Variants in TSC2 observed in about 807,000 individuals in gnomAD.
TSC2 encodes tuberin.
A neutral mutation model predicts 202.2 loss-of-function variants in TSC2; 29 were observed. The ratio of observed to expected loss-of-function variants is 0.14; its 90% CI spans 0.11 to 0.20. The LOEUF (loss-of-function observed/expected upper bound fraction) is 0.20, where lower values mean the gene tolerates loss of function less well. TSC2 is among the 10% of genes least tolerant of loss of function. TSC2 has a pLI of 1.00. For synonymous variants in TSC2, 1,349 were observed against 1,044.0 expected (o/e 1.29, Z -5.63); for missense variants, 2,429 against 2,420.0 (o/e 1.00, Z -0.08).
Position 2,088,749 on chromosome 16 carries a change from G to A in TSC2, c.*139G>A, listed in dbSNP as rs926002084. 17 of 1,256,224 alleles carry A rather than the reference G, an allele frequency of 1.4e-5. No individual in the cohort carries two copies. Among genetic ancestry groups the A allele is most frequent in the Admixed American group, 4.6e-5 (2 of 43,814 alleles). 77.8% of individuals were successfully genotyped at this position (1,256,224 alleles called of 1,614,324 possible). On this transcript the variant is annotated 3_prime_UTR_variant, in exon 42 of 42. Transcript: ENST00000219476. Reference sequence around the variant, plus strand: ...CTTTTATTGACTTTGTCTGCTTGGTGCGGGGGTTGGGGGGGTGTCGAGGCT... The same window carrying A: ...CTTTTATTGACTTTGTCTGCTTGGTACGGGGGTTGGGGGGGTGTCGAGGCT...
rs1555496979 is a variant in TSC2, at chr16:2,053,387, C to T, written c.271C>T (p.Pro91Ser). The change falls in exon 4 of 42, where the codon CCG becomes TCG. Residue 91 changes from proline (P) to serine (S), a missense_variant. Coordinates refer to ENST00000219476, the MANE Select transcript of TSC2 (RefSeq NM_000548.5). The stretch of plus-strand genomic sequence containing the variant: ...GAAGGCGGTCGCGGATCTGTTGCAG[C>T]CGGAGCGGCCGCTGGAGGCCCGGCA... ...LWKAVADLLQ[P>S]ERPLEARHAV... 1 of 1,591,802 alleles carries T rather than the reference C, an allele frequency of 6.3e-7. No homozygotes were observed.
chr16:2,082,972 C>A lies in TSC2; in HGVS notation c.3883+468C>A, dbSNP rs947595399. 5.8e-5 allele frequency: 22 copies of A among 380,764 alleles called. No homozygotes were observed. In the Admixed American group the frequency reaches 6.6e-4, roughly 11 times the overall value. The allele number at this position is 380,764 out of a possible 1,614,324, so 23.6% of individuals were successfully genotyped here. On this transcript the variant is annotated intron_variant, in intron 32 of 41. Transcript: ENST00000219476. ...CCTGCAGACCGACCTCTGCCTGTTG[C>A]CCCCAAGCCCTGGTGGGGAGTGCTG...
chr16:2,086,324 C>T lies in TSC2; in HGVS notation c.4794C>T (p.Asp1598=), dbSNP rs548102930. The T allele has an allele frequency of 1.5e-5, 24 of 1,612,938 alleles. No homozygotes were observed. Among genetic ancestry groups the T allele is most frequent in the Admixed American group, 3.3e-5 (2 of 60,014 alleles). Residue 1598 remains aspartate (D), a synonymous_variant, in exon 37 of 42, where the codon GAC becomes GAT. Coordinates refer to ENST00000219476, the MANE Select transcript of TSC2 (RefSeq NM_000548.5). The stretch of plus-strand genomic sequence containing the variant: ...ACAAGGTGTACCTGGGAGGCCTGGA[C>T]GTGTGTGGTGAGGACGGCCAGTTCA... ...QPDKVYLGGL[D]VCGEDGQFTY...
intron 5 of TSC2, 57 bp from the exon 6 acceptor site, chr16:2,055,345 G>C: frequency 7.4e-7 from 1 of 1,351,634 alleles, no homozygotes; most frequent in East Asian, 2.3e-5. Context: ...GGGAGGGGGA[G>C]GTGAGTGGGA....
rs1221986548 is a variant in TSC2 at position 2,084,692 on chromosome 16, G to C, written c.4470G>C (p.Glu1490Asp). 1 of 1,598,304 alleles carries C rather than the reference G, an allele frequency of 6.3e-7. No individual in the cohort carries two copies. Among genetic ancestry groups the C allele is most frequent in the Non-Finnish European group, 8.5e-7 (1 of 1,179,820 alleles). The stretch of plus-strand genomic sequence containing the variant: ...GCAGAGCCACAGCCTCCAATGCAGA[G>C]AAAGTGCCAGGCATCAACCCCAGGT... Reference protein sequence around the residue: ...LKSRATASNAEKVPGINPSFV... With the variant: ...LKSRATASNADKVPGINPSFV... The change falls in exon 34 of 42, where the codon GAG becomes GAC. Residue 1490 changes from glutamate (E) to aspartate (D), a missense_variant. Physicochemically the swap from Glu to Asp is conservative, Grantham distance 45 (BLOSUM62 2). Transcript: ENST00000219476.
At chr16:2,050,599 T>C (rs1206435749) in intron 3 of TSC2, 113 bp downstream of exon 3, 3 of 151,756 alleles carry the variant, frequency 2.0e-5, no homozygotes, top group East Asian at 1.7e-4. Context: ...TGGTTTGCAC[T>C]TTTTTTTTTT....
chr16:2,063,819 C>T (rs1433994196), intron 14 of TSC2: 2 of 268,650 alleles, frequency 7.4e-6, no homozygotes, highest in South Asian at 4.2e-5. Flanking sequence ...TTACCTGCTT[C>T]TGTGAAAACT....
At position 2,055,948 on chromosome 16, in the gene TSC2, A is replaced by G. The variant is rs1420412041; in HGVS notation, c.600-248A>G. The G allele has an allele frequency of 2.3e-5, 13 of 565,772 alleles. No homozygotes were observed. In the East Asian group the frequency reaches 3.8e-4, roughly 17 times the overall value. The allele number at this position is 565,772 out of a possible 1,614,324, so 35.0% of individuals were successfully genotyped here. ...CTATCTTCTGTTTAGCTCTCATCTG[A>G]TGTCTTGGTTATCTTTTTGTTGTTT... On this transcript the variant is annotated intron_variant, in intron 6 of 41. Transcript: ENST00000219476.
In TSC2 at chr16:2,088,652, C is replaced by A. The variant is rs1567136020; in HGVS notation, c.*42C>A. The A allele has an allele frequency of 1.3e-6, 2 of 1,575,380 alleles. No individual in the cohort carries two copies. The highest frequency in any genetic ancestry group is 1.8e-5 in the Admixed American group (1 of 56,128). ...CCTGCACTGGCCTTGGACGGTATTGCCTGTCAGTGAAATAAATAAAGTCCT... is the reference window on the plus strand; with the variant it reads ...CCTGCACTGGCCTTGGACGGTATTGACTGTCAGTGAAATAAATAAAGTCCT... On this transcript the variant is annotated 3_prime_UTR_variant, in exon 42 of 42. Transcript: ENST00000219476.
chr16:2,074,634 C>A, intron 22 of TSC2: 1 of 574,198 alleles, frequency 1.7e-6, no homozygotes, highest in Non-Finnish European at 3.1e-6. Context: ...CTCTTCCCCC[C>A]CGAGCAGTGG....
chr16:2,081,743 G>A lies in TSC2; in HGVS notation c.3759G>A (p.Leu1253=), dbSNP rs878854095. ...GGGACACAGCCCTGTACAAGTCACT[G>A]TCGGTGCCGGCAGCCAGCACGGCCA... ...EHRDTALYKS[L]SVPAASTAKP... The change falls in exon 31 of 42, where the codon CTG becomes CTA. Residue 1253 remains leucine, a synonymous_variant. Transcript: ENST00000219476. 3.1e-6 allele frequency: 5 copies of A among 1,612,906 alleles called. No individual in the cohort carries two copies. In the South Asian group the frequency reaches 5.5e-5, roughly 18 times the overall value.
intron 16 of TSC2, chr16:2,068,636 A>C (rs1444556293): frequency 6.6e-6 from 1 of 152,174 alleles, no homozygotes; most frequent in Non-Finnish European, 1.5e-5. Flanking sequence ...GCAGTTTGGG[A>C]GGCCGAGGCG....
At position 2,087,952 on chromosome 16, in the gene TSC2, G is replaced by C. The variant is rs199999832; in HGVS notation, c.5068+11G>C. 6.2e-7 allele frequency: 1 copy of C among 1,604,974 alleles called. No individual in the cohort carries two copies. Among genetic ancestry groups the C allele is most frequent in the African/African-American group, 1.3e-5 (1 of 74,686 alleles). ...TGCAGTGCAGGAAAGGTAGGGCCGG[G>C]TGGGGCCCTGCAGTGCAGGAAAGGT... On this transcript the variant is annotated intron_variant, in intron 39 of 41. Transcript: ENST00000219476.
At chr16:2,061,188 T>G in intron 11 of TSC2, 1 of 354,998 alleles carries the variant, frequency 2.8e-6, no homozygotes, top group Non-Finnish European at 5.5e-6. Context: ...TCGAGTCTGT[T>G]AACCACAGCT....
chr16:2,048,205 T>A, intron 1 of TSC2, 140 bp downstream of exon 1: 2 of 1,521,854 alleles, frequency 1.3e-6, no homozygotes, highest in East Asian at 4.9e-5. Context: ...ATCCCTTAGT[T>A]TTAAGTCATG....
At chr16:2,087,489 G>C (rs368022676) in intron 38 of TSC2, among the ~76,000 whole-genome samples, 3 of 94,620 alleles carry the variant, frequency 3.2e-5, no homozygotes, top group South Asian at 2.5e-4. Context: ...ACCAGTTGGG[G>C]GGGGGGGGGC....
At chr16:2,057,201 A>G in intron 9 of TSC2, 23 bp downstream of exon 9, 1 of 1,551,446 alleles carries the variant, frequency 6.4e-7, no homozygotes, top group South Asian at 1.2e-5. Context: ...GGTGGGGCGC[A>G]GGGCAGTGGA....
intron 32 of TSC2, chr16:2,082,740 G>A (rs912840100): frequency 2.0e-5 from 12 of 606,142 alleles, no homozygotes; most frequent in African/African-American, 3.7e-5. Context: ...GAGCACTCCC[G>A]GCCCAGCTTC....
At chr16:2,048,390 G>T (rs2084631608) in intron 1 of TSC2, 197 bp from the exon 2 acceptor site, 3 of 848,078 alleles carry the variant, frequency 3.5e-6, no homozygotes, top group Non-Finnish European at 5.9e-6. Flanking sequence ...CTCTAGACCA[G>T]GCCTGGTGTC....
Sources: gnomAD v4.1 joint callset for allele counts (sites outside exome capture counted in the v4.1 genomes callset) on GRCh38, gnomAD v4.1.1 for gene constraint, MANE v1.5 for transcripts, NCBI Gene and HGNC (gene_info 2026-07-23, HGNC 2026-07-21) for gene names.